Variants in DCC observed in about 807,000 individuals in gnomAD.
The protein encoded by DCC is netrin receptor DCC.
A neutral mutation model predicts 172.5 loss-of-function variants in DCC; 58 were observed. That is an observed-to-expected ratio of 0.34 (90% CI 0.27 to 0.42). The LOEUF (loss-of-function observed/expected upper bound fraction) is 0.42. DCC is among the 10% of genes least tolerant of loss of function. The probability of loss-of-function intolerance (pLI) is 1.00; values close to 1 mark genes in which losing one functional copy is unlikely to be tolerated. For synonymous variants in DCC, 709 were observed against 644.5 expected (o/e 1.10, Z -1.52); for missense variants, 1,740 against 1,791.0 (o/e 0.97, Z 0.51).
At chr18:52,542,029 AAT>A (rs996916118) in intron 1 of DCC, among the ~76,000 whole-genome samples, 13 of 147,804 alleles carry the variant, frequency 8.8e-5, no homozygotes, top group African/African-American at 3.2e-4. Flanking sequence ...ATATATAATA[AAT>A]ATATATATTT....
intron 9 of DCC, among the ~76,000 whole-genome samples, chr18:53,181,539 C>T (rs984641895): frequency 1.3e-5 from 2 of 150,138 alleles, no homozygotes; most frequent in East Asian, 3.9e-4. Context: ...TAAAATGATA[C>T]AATATATTCT....
intron 12 of DCC, among the ~76,000 whole-genome samples, chr18:53,287,862 A>T (rs547316271): frequency 7.2e-5 from 11 of 152,326 alleles, no homozygotes; most frequent in Admixed American, 7.2e-4. Context: ...CTATTAAAAA[A>T]GTAGCCACTG....
chr18:53,217,156 G>A (rs1031267825), intron 12 of DCC, among the ~76,000 whole-genome samples: 4 of 151,816 alleles, frequency 2.6e-5, no homozygotes, highest in Admixed American at 2.6e-4. Flanking sequence ...CACTTGAAAC[G>A]TGTATAGGGC....
chr18:53,046,988 G>GTAGAAAA (rs2042247115), intron 5 of DCC, among the ~76,000 whole-genome samples: 1 of 151,356 alleles, frequency 6.6e-6, no homozygotes, highest in South Asian at 2.1e-4. Flanking sequence ...CGAATTTGAG[G>GTAGAAAA]TAGAAAACAT....
intron 1 of DCC, among the ~76,000 whole-genome samples, chr18:52,370,642 T>C (rs1985079159): frequency 6.6e-6 from 1 of 152,100 alleles, no homozygotes; most frequent in East Asian, 1.9e-4. Context: ...GGTTGATCTG[T>C]GCAGCAAACC....
intron 1 of DCC, among the ~76,000 whole-genome samples, chr18:52,346,315 C>T (rs772140051): frequency 2.0e-5 from 3 of 152,300 alleles, no homozygotes; most frequent in Non-Finnish European, 2.9e-5. Flanking sequence ...AATTTAGTAA[C>T]ACACTTTTTC....
At chr18:52,646,154 G>C (rs562396224) in intron 1 of DCC, among the ~76,000 whole-genome samples, 3 of 152,290 alleles carry the variant, frequency 2.0e-5, no homozygotes, top group Non-Finnish European at 4.4e-5. Flanking sequence ...TCAGTTTCCT[G>C]ACTGGGCACG....
chr18:52,624,267 C>A (rs1253779738), intron 1 of DCC, among the ~76,000 whole-genome samples: 1 of 151,990 alleles, frequency 6.6e-6, no homozygotes, highest in African/African-American at 2.4e-5. Context: ...TATAAATATC[C>A]AAATATCAAT....
intron 1 of DCC, among the ~76,000 whole-genome samples, chr18:52,341,518 G>A (rs147464609): frequency 1.3e-5 from 2 of 152,260 alleles, no homozygotes; most frequent in Non-Finnish European, 2.9e-5. Flanking sequence ...AATGTAGTTC[G>A]CAAGCTGAGT....
At chr18:53,394,827 T>A (rs1345205595) in intron 17 of DCC, among the ~76,000 whole-genome samples, 1 of 152,122 alleles carries the variant, frequency 6.6e-6, no homozygotes, top group Non-Finnish European at 1.5e-5. Context: ...GCTATGGTCG[T>A]CTCCATTTTA....
chr18:52,435,036 C>A (rs1987746289), intron 1 of DCC, among the ~76,000 whole-genome samples: 1 of 152,184 alleles, frequency 6.6e-6, no homozygotes, highest in Admixed American at 6.5e-5. Context: ...TATTCAAATC[C>A]TAGGCTGTTT....
At chr18:52,690,193 C>A (rs1183775512) in intron 1 of DCC, among the ~76,000 whole-genome samples, 2 of 152,150 alleles carry the variant, frequency 1.3e-5, no homozygotes, top group Non-Finnish European at 2.9e-5. Flanking sequence ...ACGTTTGCCG[C>A]TTTAAGTCAG....
At chr18:52,848,402 T>A (rs1410666102) in intron 2 of DCC, among the ~76,000 whole-genome samples, 3 of 152,166 alleles carry the variant, frequency 2.0e-5, no homozygotes, top group African/African-American at 7.2e-5. Flanking sequence ...TTCTAATGTT[T>A]TTGATTTTTA....
At chr18:52,973,348 CTG>C (rs1480813611) in intron 5 of DCC, among the ~76,000 whole-genome samples, 3 of 152,026 alleles carry the variant, frequency 2.0e-5, no homozygotes, top group Non-Finnish European at 4.4e-5. Context: ...ACTTAATAAA[CTG>C]TAAAAGTTTA....
At chr18:53,119,729 ATTG>A (rs2043456603) in intron 7 of DCC, among the ~76,000 whole-genome samples, 1 of 151,712 alleles carries the variant, frequency 6.6e-6, no homozygotes, top group Admixed American at 6.6e-5. Context: ...TGATTATCAC[ATTG>A]TTGTAGTTTC....
At chr18:52,927,128 CGTATATACGTGTATATATGT>C (rs2040225594) in intron 5 of DCC, among the ~76,000 whole-genome samples, 2 of 36,466 alleles carry the variant, frequency 5.5e-5, no homozygotes, top group African/African-American at 1.8e-4. Flanking sequence ...TGTATATACA[CGTATATACGTGTATATATGT>C]GTATATATAC....
chr18:53,356,843 A>G (rs2057883985), intron 15 of DCC, among the ~76,000 whole-genome samples: 1 of 152,122 alleles, frequency 6.6e-6, no homozygotes, highest in Non-Finnish European at 1.5e-5. Flanking sequence ...TTGTGTCTTC[A>G]ATTTAGGGAA....
At chr18:52,664,228 G>T (rs1418946875) in intron 1 of DCC, among the ~76,000 whole-genome samples, 1 of 152,132 alleles carries the variant, frequency 6.6e-6, no homozygotes. Flanking sequence ...ATTATTTTGA[G>T]AGGAAGGAAT....
At position 53,272,003 on chromosome 18, in the gene DCC, T is replaced by G. The variant is rs2056754688; in HGVS notation, c.1912-33575T>G. ...TGCCCTCCATTAACTTCACACCAAT[T>G]TCAGTCAGTTTGCTGTGTTGTGATA... On this transcript the variant is annotated intron_variant, in intron 12 of 28. Transcript: ENST00000442544. Among the ~76,000 whole-genome samples the G allele has an allele frequency of 3.3e-5, 5 of 152,142 alleles. No individual in the cohort carries two copies. The South Asian group carries it at 1.0e-3, about 32-fold the overall frequency.
Sources: allele counts gnomAD v4.1 joint callset (sites outside exome capture counted in the v4.1 genomes callset), GRCh38; gene constraint gnomAD v4.1.1; transcripts MANE v1.5; gene names NCBI Gene and HGNC (gene_info 2026-07-23, HGNC 2026-07-21).